Variants in IGLL1 observed in about 807,000 individuals in gnomAD.
IGLL1 encodes immunoglobulin lambda-like polypeptide 1.
A neutral mutation model predicts 10.5 loss-of-function variants in IGLL1; 10 were observed. That is an observed-to-expected ratio of 0.95 (90% CI 0.59 to 1.62). IGLL1 has a LOEUF of 1.62. IGLL1 is among the 40% of genes most tolerant of loss of function. The pLI is 0.00. For synonymous variants in IGLL1, 141 were observed against 122.7 expected (o/e 1.15, Z -0.99); for missense variants, 284 against 278.7 (o/e 1.02, Z -0.14).
chr22:23,575,090 G>A lies in IGLL1; in HGVS notation c.207-8C>T, dbSNP rs1459622736. The A allele has an allele frequency of 3.7e-6, 6 of 1,601,480 alleles. No individual in the cohort carries two copies. The highest frequency in any genetic ancestry group is 1.7e-4 in the Middle Eastern group (1 of 6,052). On this transcript the variant is annotated splice_polypyrimidine_tract_variant and splice_region_variant and intron_variant, in intron 1 of 2. Coordinates refer to ENST00000330377, the MANE Select transcript of IGLL1 (RefSeq NM_020070.4). Reference sequence around the variant, plus strand: ...CCGCGCTGGAGCAGGAACCTGCTGGGAGTGAGGGGCACAGGGCTGCAGTGT... The same window carrying A: ...CCGCGCTGGAGCAGGAACCTGCTGGAAGTGAGGGGCACAGGGCTGCAGTGT...
intron 2 of IGLL1, 39 bp downstream of exon 2, chr22:23,574,928 G>A: frequency 2.2e-6 from 3 of 1,355,838 alleles, no homozygotes; most frequent in Non-Finnish European, 3.2e-6. Flanking sequence ...TCCAGAGACA[G>A]GAGAGGGTGG....
chr22:23,577,601 G>GA (rs1397784703), intron 1 of IGLL1, among the ~76,000 whole-genome samples: 1 of 146,094 alleles, frequency 6.8e-6, no homozygotes, highest in African/African-American at 2.6e-5. Context: ...GCAGTGGTGG[G>GA]ATCTCAGCTT....
intron 2 of IGLL1, among the ~76,000 whole-genome samples, chr22:23,574,352 C>G (rs1924950644): frequency 6.6e-6 from 1 of 152,254 alleles, no homozygotes; most frequent in Non-Finnish European, 1.5e-5. Context: ...TGACAGGGCT[C>G]CAGGGACAGG....
chr22:23,576,469 C>T (rs1488040897), intron 1 of IGLL1, among the ~76,000 whole-genome samples: 2 of 151,400 alleles, frequency 1.3e-5, no homozygotes, highest in East Asian at 1.9e-4. Flanking sequence ...TCACCCTTGT[C>T]GCCCAGGCTG....
Position 23,580,273 on chromosome 22 carries a change from C to T in IGLL1, c.-83G>A. ...GTGGTGCCCTGGTCCCTCTCGCTGG[C>T]AGCAGCTGTCCCATTGCACCCCAGT... is the stretch of plus-strand genomic sequence containing the variant. On this transcript the variant is annotated 5_prime_UTR_variant, in exon 1 of 3. Coordinates refer to ENST00000330377, the MANE Select transcript of IGLL1 (RefSeq NM_020070.4). The T allele has an allele frequency of 2.6e-6, 4 of 1,527,112 alleles. No homozygotes were observed. The highest frequency in any genetic ancestry group is 2.7e-5 in the African/African-American group (2 of 72,954). 94.6% of individuals were successfully genotyped at this position (1,527,112 alleles called of 1,614,324 possible).
At chr22:23,577,006 T>C (rs1010506108) in intron 1 of IGLL1, among the ~76,000 whole-genome samples, 1 of 152,240 alleles carries the variant, frequency 6.6e-6, no homozygotes, top group African/African-American at 2.4e-5. Context: ...TTTGTCCTTT[T>C]GTGTCTGGCT....
intron 1 of IGLL1, among the ~76,000 whole-genome samples, chr22:23,575,647 G>A (rs565943132): frequency 4.3e-4 from 65 of 151,920 alleles, no homozygotes; most frequent in Non-Finnish European, 6.3e-4. Flanking sequence ...CTGTCCATTC[G>A]TCCATCCATC....
Position 23,577,828 on chromosome 22 carries a change from T to C in IGLL1, c.206+2157A>G, listed in dbSNP as rs142897139. On this transcript the variant is annotated intron_variant, in intron 1 of 2. Transcript: ENST00000330377. ...GATTACAGGCATGAGCCACTGCACCTGGCCCATAGTATTTCTAAAGATTAT... is the reference window on the plus strand; with the variant it reads ...GATTACAGGCATGAGCCACTGCACCCGGCCCATAGTATTTCTAAAGATTAT... Among the ~76,000 whole-genome samples the C allele has an allele frequency of 2.4e-3, 368 of 150,784 alleles. 4 individuals are homozygous for C. The highest frequency in any genetic ancestry group is 8.3e-3 in the African/African-American group (339 of 41,016).
At chr22:23,574,346 A>G (rs1344383870) in intron 2 of IGLL1, among the ~76,000 whole-genome samples, 1 of 152,148 alleles carries the variant, frequency 6.6e-6, no homozygotes, top group Non-Finnish European at 1.5e-5. Flanking sequence ...CAGAGATGAC[A>G]GGGCTCCAGG....
At chr22:23,574,454 G>T (rs1188925762) in intron 2 of IGLL1, among the ~76,000 whole-genome samples, 1 of 151,872 alleles carries the variant, frequency 6.6e-6, no homozygotes, top group Non-Finnish European at 1.5e-5. Context: ...GTGTCCCCAT[G>T]CCCTGAAGAC....
chr22:23,574,882 A>G (rs960801806), intron 2 of IGLL1, 85 bp downstream of exon 2: 5 of 904,832 alleles, frequency 5.5e-6, no homozygotes, highest in African/African-American at 1.6e-5. Context: ...CTGGGAGGGC[A>G]GAGGGGAAGA....
At chr22:23,576,129 CT>C (rs1242601380) in intron 1 of IGLL1, among the ~76,000 whole-genome samples, 1 of 152,088 alleles carries the variant, frequency 6.6e-6, no homozygotes, top group Non-Finnish European at 1.5e-5. Flanking sequence ...AGATGACCAC[CT>C]TCCCCCAGCC....
intron 2 of IGLL1, 81 bp downstream of exon 2, chr22:23,574,886 G>T: frequency 1.1e-6 from 1 of 951,042 alleles, no homozygotes; most frequent in South Asian, 1.4e-5. Context: ...GAGGGCAGAG[G>T]GGAAGAAGCC....
chr22:23,576,697 G>T (rs536874635), intron 1 of IGLL1, among the ~76,000 whole-genome samples: 33 of 152,282 alleles, frequency 2.2e-4, no homozygotes, highest in African/African-American at 7.2e-4. Flanking sequence ...CTCTCAAAGT[G>T]CTGGGATTAT....
At chr22:23,573,938 A>G (rs140173) in intron 2 of IGLL1, among the ~76,000 whole-genome samples, 65,134 of 146,358 alleles carry the variant, frequency 0.45, 16,844 homozygotes, top group African/African-American at 0.65. Flanking sequence ...ACACAAAACT[A>G]TACTGGCAGG....
chr22:23,575,130 A>G (rs766509930), intron 1 of IGLL1, 48 bp from the exon 2 acceptor site: 2 of 1,347,940 alleles, frequency 1.5e-6, no homozygotes, highest in Non-Finnish European at 2.1e-6. Context: ...GCTGTGACCC[A>G]GGCACAGGGT....
At chr22:23,575,897 C>T (rs556773542) in intron 1 of IGLL1, among the ~76,000 whole-genome samples, 1 of 150,090 alleles carries the variant, frequency 6.7e-6, no homozygotes, top group East Asian at 2.0e-4. Context: ...CTTTCCTCTT[C>T]CCCTGGCATC....
In IGLL1 at chr22:23,573,200, G is replaced by C. The variant is rs1924858092; in HGVS notation, c.*66C>G. ...GAAGGGCTGGATGGCTTGGGATGCAGAGAGAGACCCTTCCCCTGGGATCCT... is the reference window on the plus strand; with the variant it reads ...GAAGGGCTGGATGGCTTGGGATGCACAGAGAGACCCTTCCCCTGGGATCCT... On this transcript the variant is annotated 3_prime_UTR_variant, in exon 3 of 3. Coordinates refer to ENST00000330377, the MANE Select transcript of IGLL1 (RefSeq NM_020070.4). 6.7e-7 allele frequency: 1 copy of C among 1,502,068 alleles called. No individual in the cohort carries two copies. Among genetic ancestry groups the C allele is most frequent in the African/African-American group, 1.4e-5 (1 of 72,650 alleles). The allele number at this position is 1,502,068 out of a possible 1,614,324, so 93.0% of individuals were successfully genotyped here.
intron 1 of IGLL1, among the ~76,000 whole-genome samples, chr22:23,579,129 C>T (rs1386047634): frequency 6.6e-6 from 1 of 152,018 alleles, no homozygotes; most frequent in African/African-American, 2.4e-5. Context: ...GTCACCTCAC[C>T]TCTCCGGGCT....
Sources: gnomAD v4.1 joint callset for allele counts (sites outside exome capture counted in the v4.1 genomes callset) on GRCh38, gnomAD v4.1.1 for gene constraint, MANE v1.5 for transcripts, NCBI Gene and HGNC (gene_info 2026-07-23, HGNC 2026-07-21) for gene names.